GTF2B: variants seen among roughly 807,000 people sequenced by gnomAD.
GTF2B encodes the protein general transcription factor IIB.
A neutral mutation model predicts 34.6 loss-of-function variants in GTF2B; 20 were observed. The ratio of observed to expected loss-of-function variants is 0.58; its 90% CI spans 0.41 to 0.84. GTF2B has a LOEUF of 0.84. Among genes scored for constraint, GTF2B ranks in the 40% least tolerant of loss-of-function variants. The pLI is 0.00. For synonymous variants in GTF2B, 142 were observed against 132.4 expected, an observed-to-expected ratio of 1.07 and a Z score of -0.50; for missense variants, 237 against 393.3, an observed-to-expected ratio of 0.60 and a Z score of 3.36.
At chr1:88,874,563 G>T (rs1570730060) in intron 2 of GTF2B, among the ~76,000 whole-genome samples, 1 of 122,474 alleles carries the variant, frequency 8.2e-6, no homozygotes, top group Non-Finnish European at 1.6e-5. Context: ...GGCTGGTCTT[G>T]AACTCCTGGC....
chr1:88,865,553 C>T (rs1021638544), intron 2 of GTF2B, among the ~76,000 whole-genome samples: 1 of 152,098 alleles, frequency 6.6e-6, no homozygotes, highest in African/African-American at 2.4e-5. Flanking sequence ...GAAACCCCGT[C>T]TCTACTAAAA....
Position 88,891,543 on chromosome 1 carries a change from A to G in GTF2B, c.-44T>C. 1 of 1,575,746 alleles carries G rather than the reference A, an allele frequency of 6.3e-7. No homozygotes were observed. Among genetic ancestry groups the G allele is most frequent in the Non-Finnish European group, 8.7e-7 (1 of 1,153,874 alleles). ...GCCCGCAACAAGACACAACAGACAC[A>G]CCGAAAGCAGGAAGCGAATGTGGCG... is the stretch of plus-strand genomic sequence containing the variant. On this transcript the variant is annotated 5_prime_UTR_variant, in exon 1 of 7. Transcript: ENST00000370500.
At chr1:88,854,103 T>C (rs891555460) in intron 6 of GTF2B, among the ~76,000 whole-genome samples, 1 of 152,186 alleles carries the variant, frequency 6.6e-6, no homozygotes, top group Non-Finnish European at 1.5e-5. Flanking sequence ...ACAAAAGTAC[T>C]CCACAAATAT....
intron 2 of GTF2B, among the ~76,000 whole-genome samples, chr1:88,882,171 G>A (rs892261387): frequency 5.3e-5 from 8 of 151,900 alleles, no homozygotes; most frequent in African/African-American, 1.7e-4. Context: ...TTAGGTGGGT[G>A]TGGTGGTGCA....
chr1:88,857,686 C>T (rs1673344598), intron 5 of GTF2B, among the ~76,000 whole-genome samples, 199 bp from the exon 6 acceptor site: 1 of 15,486 alleles, frequency 6.5e-5, no homozygotes, highest in South Asian at 2.9e-3. Context: ...TAATGTTCAT[C>T]ACACCTTTTT....
At position 88,853,256 on chromosome 1, in the gene GTF2B, T is replaced by A. The variant is rs775240117; in HGVS notation, c.908A>T (p.Asp303Val). Residue 303 changes from aspartate (D) to valine (V), a missense_variant, in exon 7 of 7, where the codon GAC (aspartate) becomes GTC (valine). Asp to Val is a radical substitution (Grantham distance 152, BLOSUM62 -3). Around this residue, in one of 3 missense-constraint regions of GTF2B, gnomAD observed 78 missense variants for 116.6 expected, o/e 0.67. Transcript: ENST00000370500. Reference protein sequence around the residue: ...YPRAPDLFPTDFKFDTPVDKL... With the variant: ...YPRAPDLFPTVFKFDTPVDKL... ...GTCCACTGGGGTGTCAAATTTGAAG[T>A]CTGTAGGAAACAGATCTGGGGCTCG... is the stretch of plus-strand genomic sequence containing the variant. The A allele has an allele frequency of 6.2e-7, 1 of 1,613,490 alleles. No individual in the cohort carries two copies. The highest frequency in any genetic ancestry group is 1.1e-5 in the South Asian group (1 of 91,072).
chr1:88,887,434 G>A, intron 1 of GTF2B, 67 bp from the exon 2 acceptor site: 1 of 919,252 alleles, frequency 1.1e-6, no homozygotes, highest in South Asian at 1.3e-5. Context: ...CTTCTGGGAT[G>A]GGGGATGGGG....
chr1:88,886,004 T>C (rs1311969102), intron 2 of GTF2B, among the ~76,000 whole-genome samples: 2 of 152,156 alleles, frequency 1.3e-5, no homozygotes, highest in Non-Finnish European at 2.9e-5. Flanking sequence ...AGTTTCCTTA[T>C]CTGTAAAATG....
At chr1:88,856,286 A>AAAAAAAAAAAAAAAAAAAAG (rs1673309323) in intron 6 of GTF2B, among the ~76,000 whole-genome samples, 1 of 100,568 alleles carries the variant, frequency 9.9e-6, no homozygotes, top group Non-Finnish European at 1.9e-5. Context: ...AAAAAAAAAA[A>AAAAAAAAAAAAAAAAAAAAG]AAAACAAAAA....
intron 6 of GTF2B, among the ~76,000 whole-genome samples, chr1:88,856,948 C>T (rs1476988727): frequency 6.6e-6 from 1 of 151,844 alleles, no homozygotes; most frequent in Non-Finnish European, 1.5e-5. Flanking sequence ...ATTACAAGCC[C>T]CACCACCACA....
At chr1:88,855,969 C>A (rs1189309744) in intron 6 of GTF2B, among the ~76,000 whole-genome samples, 3 of 152,126 alleles carry the variant, frequency 2.0e-5, no homozygotes, top group African/African-American at 7.2e-5. Context: ...TCACTTCTAA[C>A]TTTAAAAGGG....
intron 2 of GTF2B, among the ~76,000 whole-genome samples, chr1:88,869,275 G>C (rs182743365): frequency 2.6e-4 from 39 of 152,264 alleles, no homozygotes; most frequent in Admixed American, 2.5e-3. Flanking sequence ...TCAGAGACTA[G>C]AGCATCTGCA....
intron 1 of GTF2B, among the ~76,000 whole-genome samples, chr1:88,891,123 G>GC (rs1315875323): frequency 7.0e-6 from 1 of 143,350 alleles, no homozygotes; most frequent in Non-Finnish European, 1.5e-5. Flanking sequence ...AAACAAGCGG[G>GC]GGGGGGGGCG....
chr1:88,891,207 G>A (rs954747771), intron 1 of GTF2B, among the ~76,000 whole-genome samples: 1 of 151,802 alleles, frequency 6.6e-6, no homozygotes, highest in Non-Finnish European at 1.5e-5. Flanking sequence ...AAGATACGAG[G>A]GCAAGGACTG....
At chr1:88,875,987 A>C (rs899926973) in intron 2 of GTF2B, among the ~76,000 whole-genome samples, 1 of 152,230 alleles carries the variant, frequency 6.6e-6, no homozygotes, top group Non-Finnish European at 1.5e-5. Context: ...ATGGAAACAA[A>C]CCAGCTCAAA....
chr1:88,864,679 C>T (rs1457505136), intron 2 of GTF2B, among the ~76,000 whole-genome samples: 2 of 152,200 alleles, frequency 1.3e-5, no homozygotes, highest in Non-Finnish European at 2.9e-5. Context: ...AAACTTTTCT[C>T]TTTAAGCAAA....
In GTF2B at chr1:88,853,078, G is replaced by C; in HGVS notation, c.*135C>G. The C allele has an allele frequency of 1.3e-6, 1 of 763,696 alleles. No individual in the cohort carries two copies. Among genetic ancestry groups the C allele is most frequent in the Non-Finnish European group, 2.3e-6 (1 of 429,650 alleles). 47.3% of individuals were successfully genotyped at this position (763,696 alleles called of 1,614,324 possible). A position where few individuals can be genotyped will look rare whatever the true frequency, so the allele number is the denominator to read the frequency against. On this transcript the variant is annotated 3_prime_UTR_variant, in exon 7 of 7. Transcript: ENST00000370500. ...CTAGTATATACATACAGAATGCCAA[G>C]CAATAGTATTCAGCCCTGGAATGCG...
intron 2 of GTF2B, among the ~76,000 whole-genome samples, chr1:88,876,501 G>A (rs1390089514): frequency 6.6e-6 from 1 of 152,168 alleles, no homozygotes; most frequent in Non-Finnish European, 1.5e-5. Context: ...GGGAGATGCT[G>A]TCTCTACAAA....
intron 2 of GTF2B, among the ~76,000 whole-genome samples, chr1:88,868,807 C>A (rs1417218406): frequency 1.3e-5 from 2 of 151,824 alleles, no homozygotes; most frequent in Non-Finnish European, 2.9e-5. Flanking sequence ...TCAATCTCGG[C>A]TCACTGCAAG....
Sources: gnomAD v4.1 joint callset for allele counts (sites outside exome capture counted in the v4.1 genomes callset) on GRCh38, gnomAD v4.1.1 for gene constraint, gnomAD v4.1.1 regional missense constraint, MANE v1.5 for transcripts, NCBI Gene and HGNC (gene_info 2026-07-23, HGNC 2026-07-21) for gene names.